Variants in BRD4 observed in about 807,000 individuals in gnomAD.
The protein encoded by BRD4 is bromodomain containing 4.
BRD4 carries 16 observed loss-of-function variants against 142.1 expected under a neutral mutation model. That is an observed-to-expected ratio of 0.11 (90% CI 0.08 to 0.17). The LOEUF is 0.17. BRD4 is among the 10% of genes least tolerant of loss of function. The pLI is 1.00. For synonymous variants in BRD4, 833 were observed against 707.5 expected, an observed-to-expected ratio of 1.18 and a Z score of -2.82; for missense variants, 1,424 against 1,810.9, an observed-to-expected ratio of 0.79 and a Z score of 3.88.
chr19:15,298,246 T>C (rs532328406), intron 1 of BRD4, among the ~76,000 whole-genome samples: 24 of 152,230 alleles, frequency 1.6e-4, no homozygotes, highest in Non-Finnish European at 3.1e-4. Flanking sequence ...ATTTGGCCTG[T>C]TTTTGCCTTG....
intron 8 of BRD4, 51 bp downstream of exon 8, chr19:15,256,913 C>T (rs766662955): frequency 6.7e-7 from 1 of 1,486,382 alleles, no homozygotes; most frequent in South Asian, 1.3e-5. Flanking sequence ...GGGGAGGCCA[C>T]CCTGGTCCAC....
At chr19:15,291,161 T>C (rs1162405736) in intron 1 of BRD4, among the ~76,000 whole-genome samples, 1 of 151,988 alleles carries the variant, frequency 6.6e-6, no homozygotes, top group Non-Finnish European at 1.5e-5. Context: ...GCTCCTGGAG[T>C]AGGCCTATAA....
chr19:15,323,422 T>C (rs546673614), intron 1 of BRD4, among the ~76,000 whole-genome samples: 3 of 152,268 alleles, frequency 2.0e-5, no homozygotes, highest in South Asian at 4.1e-4. Flanking sequence ...TGTAGTTTTT[T>C]TGTTTCAACT....
intron 7 of BRD4, among the ~76,000 whole-genome samples, chr19:15,259,363 G>A (rs1420398988): frequency 6.6e-6 from 1 of 152,246 alleles, no homozygotes; most frequent in Non-Finnish European, 1.5e-5. Context: ...ACTTGAGGAT[G>A]TCCTTGTTCC....
chr19:15,299,721 T>G (rs1482899321), intron 1 of BRD4, among the ~76,000 whole-genome samples: 1 of 152,186 alleles, frequency 6.6e-6, no homozygotes, highest in Non-Finnish European at 1.5e-5. Flanking sequence ...TCTGTTTCCT[T>G]TTCCCTAAGG....
chr19:15,285,581 A>C (rs1274584641), intron 1 of BRD4, among the ~76,000 whole-genome samples: 753 of 152,270 alleles, frequency 4.9e-3, no homozygotes, highest in African/African-American at 0.017. Context: ...AGAAAAAAAA[A>C]TCTAAGGATG....
intron 4 of BRD4, among the ~76,000 whole-genome samples, chr19:15,266,933 G>T (rs1448829008): frequency 1.3e-5 from 2 of 152,176 alleles, no homozygotes; most frequent in Admixed American, 6.5e-5. Context: ...GGCAGAGATG[G>T]ATGAGGAGGG....
In BRD4 at chr19:15,273,084, C is replaced by T. The variant is rs200468125; in HGVS notation, c.16G>A (p.Gly6Ser). ...AGATTTCTCAATCTCGTCCCAGGGCCGCTCTCCGCAGACATGCTAGTGATC... is the reference window on the plus strand; with the variant it reads ...AGATTTCTCAATCTCGTCCCAGGGCTGCTCTCCGCAGACATGCTAGTGATC... MSAES[G>S]PGTRLRNLPV... The change falls in exon 2 of 20, where the codon GGC (glycine) becomes AGC (serine). Residue 6 changes from glycine to serine, a missense_variant. This residue lies in a region of BRD4 where 70 missense variants were observed against 69.8 expected (regional missense o/e 1.00). Coordinates refer to ENST00000679869, the MANE Select transcript of BRD4 (RefSeq NM_001379291.1). 5.0e-6 allele frequency: 8 copies of T among 1,598,112 alleles called. No individual in the cohort carries two copies. Among genetic ancestry groups the T allele is most frequent in the Non-Finnish European group, 6.0e-6 (7 of 1,170,874 alleles).
At chr19:15,251,011 C>A (rs2047337644) in intron 11 of BRD4, among the ~76,000 whole-genome samples, 1 of 152,190 alleles carries the variant, frequency 6.6e-6, no homozygotes, top group African/African-American at 2.4e-5. Context: ...GCTGGAATCA[C>A]AGCTCAATGG....
chr19:15,245,456 C>T (rs1219585783), intron 11 of BRD4, among the ~76,000 whole-genome samples: 7 of 152,166 alleles, frequency 4.6e-5, no homozygotes, highest in Non-Finnish European at 1.0e-4. Flanking sequence ...CTCAGAAGTC[C>T]CTGCTTTGGG....
At chr19:15,245,774 T>C (rs1038344979) in intron 11 of BRD4, among the ~76,000 whole-genome samples, 2 of 152,220 alleles carry the variant, frequency 1.3e-5, no homozygotes, top group East Asian at 3.9e-4. Flanking sequence ...GCCCATGGTA[T>C]GGCGCCTTTT....
intron 1 of BRD4, chr19:15,280,348 C>T: frequency 9.9e-7 from 1 of 1,014,972 alleles, no homozygotes. Context: ...CCACACTTTG[C>T]TGTACCCATC....
intron 1 of BRD4, among the ~76,000 whole-genome samples, chr19:15,288,142 T>C (rs552674859): frequency 3.3e-5 from 5 of 152,190 alleles, no homozygotes; most frequent in Admixed American, 1.3e-4. Flanking sequence ...TGGACACAGG[T>C]TGCTTCTATA....
Position 15,257,019 on chromosome 19 carries a change from G to A in BRD4, c.1496C>T (p.Ser499Leu), listed in dbSNP as rs867596343. Residue 499 changes from serine (S) to leucine (L), a missense_variant, in exon 8 of 20, where the codon TCG becomes TTG. Transcript: ENST00000679869. ...TCGCTCCTCCTCAGAGTCATCAGTC[G>A]AACTGTCACTGTCCGAGGAGCTATC... The part of the protein sequence containing the change: ...SSDSSSDSDS[S>L]TDDSEEERAQ... 1.9e-6 allele frequency: 3 copies of A among 1,593,578 alleles called. No homozygotes were observed. Among genetic ancestry groups the A allele is most frequent in the Non-Finnish European group, 1.7e-6 (2 of 1,171,786 alleles).
At chr19:15,249,101 C>A in intron 11 of BRD4, 1 of 1,001,530 alleles carries the variant, frequency 1.0e-6, no homozygotes, top group Non-Finnish European at 1.5e-6. Context: ...GAAGGCGGGA[C>A]TAGGCGTGTG....
chr19:15,244,443 G>T lies in BRD4; in HGVS notation c.2369C>A (p.Ala790Asp). 6.4e-7 allele frequency: 1 copy of T among 1,564,374 alleles called. No homozygotes were observed. Residue 790 changes from alanine (A) to aspartate (D), a missense_variant, in exon 13 of 20, where the codon GCC becomes GAC. This residue lies in a region of BRD4 where 598 missense variants were observed against 647.8 expected (regional missense o/e 0.92). Coordinates refer to ENST00000679869, the MANE Select transcript of BRD4 (RefSeq NM_001379291.1). ...PPPPSMPQQA[A>D]PAMKSSPPPF... ...TGGGGGCGAGGACTTCATCGCCGGG[G>T]CTGCCTGCTGCGGCATGGAGGGTGG...
Position 15,239,982 on chromosome 19 carries a change from G to C in BRD4, c.3210C>G (p.Ser1070=). 6.2e-7 allele frequency: 1 copy of C among 1,613,688 alleles called. No individual in the cohort carries two copies. ...GGCTCTGGAACTGTGACATCTGGGG[G>C]GAATGTATCATAAGCGGGGAGGGGG... ...REAPSPLMIH[S]PQMSQFQSLT... Residue 1070 remains serine, a synonymous_variant, in exon 15 of 20, where the codon TCC becomes TCG. Coordinates refer to ENST00000679869, the MANE Select transcript of BRD4 (RefSeq NM_001379291.1). This position sits in a 1 kb window ranked among gnomAD's most constrained non-coding sequence, Gnocchi z 7.4.
intron 9 of BRD4, 25 bp downstream of exon 9, chr19:15,256,039 C>T (rs767870774): frequency 1.2e-6 from 2 of 1,609,178 alleles, no homozygotes; most frequent in Admixed American, 1.7e-5. Context: ...GGTCCCCACC[C>T]AGGACAAATT....
chr19:15,275,366 G>A (rs970774031), intron 1 of BRD4, among the ~76,000 whole-genome samples: 6 of 152,152 alleles, frequency 3.9e-5, no homozygotes, highest in Non-Finnish European at 8.8e-5. Context: ...TTTACAGATA[G>A]GGAAACCAAG....
Sources: allele counts gnomAD v4.1 joint callset (sites outside exome capture counted in the v4.1 genomes callset), GRCh38; gene constraint gnomAD v4.1.1; regional missense constraint gnomAD v4.1.1; non-coding constraint Gnocchi (gnomAD v3.1); transcripts MANE v1.5; gene names NCBI Gene and HGNC (gene_info 2026-07-23, HGNC 2026-07-21).